PAX8: variants seen among roughly 807,000 people sequenced by gnomAD.
PAX8 encodes the protein paired box protein Pax-8.
In PAX8, 15 loss-of-function variants were observed where a neutral mutation model predicts 52.4. The ratio of observed to expected loss-of-function variants is 0.29; its 90% CI spans 0.19 to 0.44. The LOEUF (loss-of-function observed/expected upper bound fraction) is 0.44, where lower values mean the gene tolerates loss of function less well. Among genes scored for constraint, PAX8 ranks in the 20% least tolerant of loss-of-function variants. PAX8 has a pLI of 1.00. For missense variants in PAX8, 554 were observed against 602.5 expected (o/e 0.92, Z 0.84); for synonymous variants, 284 against 249.7 (o/e 1.14, Z -1.29).
chr2:113,276,887 C>A (rs1693855926), intron 2 of PAX8, among the ~76,000 whole-genome samples: 1 of 152,238 alleles, frequency 6.6e-6, no homozygotes, highest in East Asian at 1.9e-4. Flanking sequence ...ATTGCACCAG[C>A]TTGGCATGGG....
intron 11 of PAX8, among the ~76,000 whole-genome samples, chr2:113,219,074 C>T (rs1256829847): frequency 6.6e-6 from 1 of 152,146 alleles, no homozygotes. Flanking sequence ...GCTCTGCACA[C>T]CTGCAGGATG....
intron 9 of PAX8, among the ~76,000 whole-genome samples, chr2:113,227,926 T>C (rs1689682183): frequency 6.6e-6 from 1 of 152,208 alleles, no homozygotes. Context: ...TATTTAGCTT[T>C]TACATGACCA....
chr2:113,239,943 T>C (rs1223201476), intron 7 of PAX8: 1 of 152,160 alleles, frequency 6.6e-6, no homozygotes, highest in Non-Finnish European at 1.5e-5. Context: ...TCAAAGACTT[T>C]CTCATTCCAG....
At chr2:113,245,601 C>T (rs1241393807) in intron 3 of PAX8, among the ~76,000 whole-genome samples, 2 of 152,166 alleles carry the variant, frequency 1.3e-5, no homozygotes, top group Non-Finnish European at 2.9e-5. Context: ...CTTCTGGGGC[C>T]TCCACCCTTC....
At chr2:113,237,442 C>T (rs575533456) in intron 7 of PAX8, 2 of 152,326 alleles carry the variant, frequency 1.3e-5, no homozygotes, top group Non-Finnish European at 2.9e-5. Flanking sequence ...GCTGTGGACC[C>T]AGGTGCTTTA....
Position 113,217,789 on chromosome 2 carries a change from C to A in PAX8, c.*744G>T, listed in dbSNP as rs576682095. 2 of 233,550 alleles carry A rather than the reference C, an allele frequency of 8.6e-6. No homozygotes were observed. The highest frequency in any genetic ancestry group is 1.7e-5 in the Non-Finnish European group (2 of 118,362). 14.5% of individuals were successfully genotyped at this position (233,550 alleles called of 1,614,324 possible). Reference sequence around the variant, plus strand: ...CCTGTGGAATGTCTGTTTTAAGCTCCCTGGGGCTGGCCTGGCTGACGGCAG... The same window carrying A: ...CCTGTGGAATGTCTGTTTTAAGCTCACTGGGGCTGGCCTGGCTGACGGCAG... On this transcript the variant is annotated 3_prime_UTR_variant, in exon 12 of 12. Transcript: ENST00000429538.
At chr2:113,232,680 CAG>C (rs1419148912) in intron 9 of PAX8, among the ~76,000 whole-genome samples, 3 of 152,172 alleles carry the variant, frequency 2.0e-5, no homozygotes, top group Non-Finnish European at 4.4e-5. Context: ...TGCATGTTGA[CAG>C]GGGATGCTAA....
chr2:113,241,991 C>G lies in PAX8; in HGVS notation c.601+17G>C. On this transcript the variant is annotated intron_variant, in intron 6 of 11. Transcript: ENST00000429538. ...GCTCTCGTGCACCGCCCGCTGCCCT[C>G]CTGTCCCAGCACTCACTGTCATCCA... The G allele has an allele frequency of 6.2e-7, 1 of 1,613,084 alleles. No homozygotes were observed. The highest frequency in any genetic ancestry group is 1.1e-5 in the South Asian group (1 of 90,796).
intron 2 of PAX8, among the ~76,000 whole-genome samples, chr2:113,264,111 C>A (rs1692887704): frequency 6.6e-6 from 1 of 152,222 alleles, no homozygotes; most frequent in Non-Finnish European, 1.5e-5. Context: ...CAGATGCTCT[C>A]ACCCTAAATC....
rs955322067 is a variant in PAX8 at position 113,218,411 on chromosome 2, G to A, written c.*122C>T. On this transcript the variant is annotated 3_prime_UTR_variant, in exon 12 of 12. Coordinates refer to ENST00000429538, the MANE Select transcript of PAX8 (RefSeq NM_003466.4). ...AAATTAACCACACAGGGAGTGTGCC[G>A]CAATGCTGGACTTGTGGTTATTTTT... The A allele has an allele frequency of 3.4e-5, 19 of 565,264 alleles. No individual in the cohort carries two copies. The highest frequency in any genetic ancestry group is 2.7e-4 in the Admixed American group (8 of 29,942). 35.0% of individuals were successfully genotyped at this position (565,264 alleles called of 1,614,324 possible).
intron 2 of PAX8, among the ~76,000 whole-genome samples, chr2:113,255,052 GAGGA>G (rs1285102118): frequency 1.3e-5 from 2 of 149,698 alleles, no homozygotes; most frequent in African/African-American, 2.4e-5. Context: ...GGAAGGGAAG[GAGGA>G]AGGAAGGAAG....
At chr2:113,244,743 G>A (rs12998304) in intron 3 of PAX8, 119 bp from the exon 4 acceptor site, 10,161 of 913,390 alleles carry the variant, frequency 0.011, 124 homozygotes, top group Non-Finnish European at 0.012. Context: ...AGAGTGAAAT[G>A]TGCCTCCAAG....
intron 10 of PAX8, among the ~76,000 whole-genome samples, chr2:113,225,185 G>A (rs553949485): frequency 1.2e-4 from 19 of 152,276 alleles, no homozygotes; most frequent in Admixed American, 3.3e-4. Context: ...ATATTTGAAT[G>A]GCTAGACATG....
chr2:113,246,011 G>A (rs995916820), intron 3 of PAX8, among the ~76,000 whole-genome samples: 3 of 152,238 alleles, frequency 2.0e-5, no homozygotes, highest in African/African-American at 7.2e-5. Context: ...ATTTTTAATG[G>A]AAGTGGCTTT....
chr2:113,235,765 CT>C (rs1690239267), intron 8 of PAX8, 183 bp from the exon 9 acceptor site: 1 of 582,246 alleles, frequency 1.7e-6, no homozygotes, highest in Admixed American at 3.1e-5. Context: ...GAGAGAGAAG[CT>C]AGACCTCCCT....
chr2:113,257,437 C>T (rs1692341433), intron 2 of PAX8, among the ~76,000 whole-genome samples: 2 of 152,210 alleles, frequency 1.3e-5, no homozygotes, highest in African/African-American at 2.4e-5. Context: ...GTCTACTACA[C>T]TCTGAGGCTC....
Position 113,242,701 on chromosome 2 carries a change from C to G in PAX8, c.467G>C (p.Gly156Ala). ...SCVATKSLSP[G>A]HTLIPSSAVT... Reference sequence around the variant, plus strand: ...CTCTCAGCACTCACTCAGCGTGTGTCCGGGACTCAGGGACTTGGTGGCCAC... The same window carrying G: ...CTCTCAGCACTCACTCAGCGTGTGTGCGGGACTCAGGGACTTGGTGGCCAC... Residue 156 changes from glycine (G) to alanine (A), a missense_variant, in exon 5 of 12, where the codon GGA becomes GCA. Physicochemically the swap from Gly to Ala is moderately conservative, Grantham distance 60. Transcript: ENST00000429538. 1 of 1,612,786 alleles carries G rather than the reference C, an allele frequency of 6.2e-7. No homozygotes were observed. The highest frequency in any genetic ancestry group is 8.5e-7 in the Non-Finnish European group (1 of 1,178,880).
Position 113,227,254 on chromosome 2 carries a change from G to T in PAX8, c.1090C>A (p.Arg364=), listed in dbSNP as rs773520125. ...GGCAGCGTGGGCCCCACCATCTCTC[G>T]CCCTGGAAAAATACAGCAAAGAGTC... is the stretch of plus-strand genomic sequence containing the variant. ...QFTGQALLSG[R]EMVGPTLPGY... The change falls in exon 10 of 12, where the codon CGA becomes AGA. Residue 364 remains arginine (R), a splice_region_variant and synonymous_variant. Transcript: ENST00000429538. 1 of 1,607,342 alleles carries T rather than the reference G, an allele frequency of 6.2e-7. No individual in the cohort carries two copies. The highest frequency in any genetic ancestry group is 1.1e-5 in the South Asian group (1 of 89,750).
At chr2:113,273,567 C>T (rs954437971) in intron 2 of PAX8, 1 of 152,266 alleles carries the variant, frequency 6.6e-6, no homozygotes, top group South Asian at 2.1e-4. Flanking sequence ...AATGTGATAA[C>T]GACATAATTT....
Sources: gnomAD v4.1 joint callset for allele counts (sites outside exome capture counted in the v4.1 genomes callset) on GRCh38, gnomAD v4.1.1 for gene constraint, MANE v1.5 for transcripts, NCBI Gene and HGNC (gene_info 2026-07-23, HGNC 2026-07-21) for gene names.